Variants in ARHGEF12 observed in about 807,000 individuals in gnomAD.
ARHGEF12 encodes the protein Rho guanine nucleotide exchange factor 12, also known as KMT2A/ARHGEF12 fusion protein.
ARHGEF12 carries 66 observed loss-of-function variants against 211.2 expected under a neutral mutation model. That is an observed-to-expected ratio of 0.31 (90% confidence interval 0.26 to 0.38). The LOEUF is 0.38. Ranked by LOEUF, ARHGEF12 falls within the 10% of genes least tolerant of loss-of-function variation. The probability of loss-of-function intolerance (pLI) is 1.00; values close to 1 mark genes in which losing one functional copy is unlikely to be tolerated. For missense variants in ARHGEF12, 1,429 were observed against 1,869.5 expected, an observed-to-expected ratio of 0.76 and a Z score of 4.34; for synonymous variants, 592 against 638.4, an observed-to-expected ratio of 0.93 and a Z score of 1.09.
chr11:120,432,024 C>T, intron 11 of ARHGEF12, 113 bp downstream of exon 11: 1 of 984,626 alleles, frequency 1.0e-6, no homozygotes, highest in Admixed American at 3.6e-5. Flanking sequence ...TTTTACCATC[C>T]CCATTTTTAA....
intron 1 of ARHGEF12, chr11:120,405,802 G>T: frequency 4.7e-6 from 1 of 213,876 alleles, no homozygotes; most frequent in South Asian, 1.6e-4. Context: ...GATAATACAT[G>T]TGGAAATAAT....
chr11:120,374,453 G>A (rs1050430802), intron 1 of ARHGEF12, among the ~76,000 whole-genome samples: 1 of 152,180 alleles, frequency 6.6e-6, no homozygotes, highest in Non-Finnish European at 1.5e-5. Context: ...GGCTAAATAT[G>A]TGTGTGAACA....
At chr11:120,359,231 T>G (rs1379597103) in intron 1 of ARHGEF12, among the ~76,000 whole-genome samples, 1 of 151,902 alleles carries the variant, frequency 6.6e-6, no homozygotes, top group Non-Finnish European at 1.5e-5. Flanking sequence ...ATGGGGCCCA[T>G]TTTGTTTTTT....
At chr11:120,458,033 TG>T in intron 24 of ARHGEF12, 46 bp from the exon 25 acceptor site, 1 of 1,571,680 alleles carries the variant, frequency 6.4e-7, no homozygotes, top group South Asian at 1.2e-5. Flanking sequence ...TGTTTCTCAT[TG>T]TCCACCTAAA....
At chr11:120,429,595 ACAAT>A (rs2135719261) in intron 9 of ARHGEF12, 78 bp downstream of exon 9, 1 of 1,570,152 alleles carries the variant, frequency 6.4e-7, no homozygotes, top group East Asian at 2.2e-5. Context: ...TTTATCAGTC[ACAAT>A]CAAGCAGCAT....
chr11:120,382,849 G>T (rs1943915172), intron 1 of ARHGEF12, among the ~76,000 whole-genome samples: 1 of 152,182 alleles, frequency 6.6e-6, no homozygotes, highest in Admixed American at 6.5e-5. Context: ...ATTAGGAAAG[G>T]CAGTAAGGGG....
chr11:120,481,685 ATTTC>A, intron 39 of ARHGEF12, 109 bp downstream of exon 39: 1 of 1,096,424 alleles, frequency 9.1e-7, no homozygotes, highest in Non-Finnish European at 1.3e-6. Context: ...CAGGTTCTAG[ATTTC>A]TTTGACTATT....
chr11:120,460,871 G>A, intron 27 of ARHGEF12, 114 bp downstream of exon 27: 2 of 901,910 alleles, frequency 2.2e-6, no homozygotes, highest in Non-Finnish European at 3.5e-6. Flanking sequence ...CAAAGTTAAT[G>A]CAAAGCTGAG....
At chr11:120,464,215 T>C (rs1946629459) in intron 27 of ARHGEF12, 1 of 152,156 alleles carries the variant, frequency 6.6e-6, no homozygotes, top group Admixed American at 6.5e-5. Flanking sequence ...GAAGGAATGC[T>C]AGTATGCCAA....
At chr11:120,413,359 T>C (rs144777326) in intron 4 of ARHGEF12, among the ~76,000 whole-genome samples, 1 of 152,350 alleles carries the variant, frequency 6.6e-6, no homozygotes, top group Non-Finnish European at 1.5e-5. Flanking sequence ...TTGTATTTAA[T>C]TACTTATATT....
At chr11:120,338,398 A>G (rs1011987902) in intron 1 of ARHGEF12, among the ~76,000 whole-genome samples, 1 of 152,246 alleles carries the variant, frequency 6.6e-6, no homozygotes, top group Non-Finnish European at 1.5e-5. Flanking sequence ...TTATCATACC[A>G]TAACAGCTAC....
chr11:120,341,144 G>A lies in ARHGEF12; in HGVS notation c.32+3869G>A, dbSNP rs1482415196. ...GCGTGATCCCCTCACTGCAACCTCCGCCTCCCAGGTTCAAGCGGTTCTCCT... is the reference window on the plus strand; with the variant it reads ...GCGTGATCCCCTCACTGCAACCTCCACCTCCCAGGTTCAAGCGGTTCTCCT... On this transcript the variant is annotated intron_variant, in intron 1 of 40. Coordinates refer to ENST00000397843, the MANE Select transcript of ARHGEF12 (RefSeq NM_015313.3). Among the ~76,000 whole-genome samples, 9 of 151,938 alleles carry A rather than the reference G, an allele frequency of 5.9e-5. 1 individual carries two copies. In the South Asian group the frequency reaches 1.3e-3, roughly 21 times the overall value.
intron 13 of ARHGEF12, 129 bp downstream of exon 13, chr11:120,440,350 T>A: frequency 1.4e-6 from 1 of 726,518 alleles, no homozygotes; most frequent in South Asian, 1.9e-5. Context: ...TTAGAACCAA[T>A]AGCTCCTTGG....
chr11:120,457,284 A>G, intron 23 of ARHGEF12, 34 bp downstream of exon 23: 1 of 1,609,958 alleles, frequency 6.2e-7, no homozygotes, highest in Non-Finnish European at 8.5e-7. Flanking sequence ...AGCTTAGGGC[A>G]TTACTTAAAG....
chr11:120,448,609 C>A, intron 20 of ARHGEF12: 1 of 446,888 alleles, frequency 2.2e-6, no homozygotes, highest in Non-Finnish European at 3.9e-6. Context: ...ATGCCTTATA[C>A]TTTCCTTTTA....
chr11:120,408,114 A>C (rs1337123258), intron 3 of ARHGEF12: 1 of 252,746 alleles, frequency 4.0e-6, no homozygotes, highest in African/African-American at 2.2e-5. Flanking sequence ...TCAGATCAAG[A>C]ACTCAGTGTT....
At chr11:120,390,398 A>G (rs1017310977) in intron 1 of ARHGEF12, among the ~76,000 whole-genome samples, 1 of 152,204 alleles carries the variant, frequency 6.6e-6, no homozygotes, top group African/African-American at 2.4e-5. Context: ...CTTTACCTGG[A>G]ATTGAACACA....
At chr11:120,342,427 C>T (rs1179847565) in intron 1 of ARHGEF12, among the ~76,000 whole-genome samples, 1 of 152,148 alleles carries the variant, frequency 6.6e-6, no homozygotes, top group East Asian at 1.9e-4. Context: ...AAATAATGCT[C>T]TCCTCCCATT....
At chr11:120,376,046 T>G (rs1411606336) in intron 1 of ARHGEF12, among the ~76,000 whole-genome samples, 1 of 152,140 alleles carries the variant, frequency 6.6e-6, no homozygotes, top group Non-Finnish European at 1.5e-5. Flanking sequence ...TAACATGATA[T>G]GTGACTATTG....
Sources: gnomAD v4.1 joint callset for allele counts (sites outside exome capture counted in the v4.1 genomes callset) on GRCh38, gnomAD v4.1.1 for gene constraint, MANE v1.5 for transcripts, NCBI Gene and HGNC (gene_info 2026-07-23, HGNC 2026-07-21) for gene names.